NTN4: variants seen among roughly 807,000 people sequenced by gnomAD.
NTN4 encodes netrin-4.
In NTN4, 32 loss-of-function variants were observed where a neutral mutation model predicts 73.6. The observed-to-expected ratio is 0.44, with a 90% CI of 0.33 to 0.58. The LOEUF (loss-of-function observed/expected upper bound fraction) is 0.58, where lower values mean the gene tolerates loss of function less well. Among genes scored for constraint, NTN4 ranks in the 20% least tolerant of loss-of-function variants. NTN4 has a pLI of 0.04. For missense variants in NTN4, 654 were observed against 798.3 expected (o/e 0.82, Z 2.18); for synonymous variants, 258 against 287.5 (o/e 0.90, Z 1.04).
At position 95,682,057 on chromosome 12, in the gene NTN4, C is replaced by CTTTTTTTTTTTTTTT. The variant is rs557973212; in HGVS notation, c.1510+635_1510+649dup. On this transcript the variant is annotated intron_variant, in intron 7 of 9. Transcript: ENST00000343702. ...TTCCAAACCTAATATATTCAGTAGG[C>CTTTTTTTTTTTTTTT]TTTTTTTTTTTTTTTTTTTTTTTGA... is the stretch of plus-strand genomic sequence containing the variant. 1.5e-3 allele frequency among the ~76,000 whole-genome samples: 98 copies of CTTTTTTTTTTTTTTT among 64,536 alleles called. 30 individuals carry two copies. The highest frequency in any genetic ancestry group is 6.5e-3 in the East Asian group (12 of 1,846). The allele number at this position is 64,536 out of a possible 152,430, so 42.3% of individuals were successfully genotyped here.
intron 7 of NTN4, among the ~76,000 whole-genome samples, chr12:95,671,714 T>C (rs1420735525): frequency 1.3e-5 from 2 of 152,222 alleles, no homozygotes; most frequent in African/African-American, 2.4e-5. Flanking sequence ...AGCATTCTCA[T>C]ACTCATTTAT....
intron 2 of NTN4, among the ~76,000 whole-genome samples, chr12:95,751,997 T>C (rs997926224): frequency 1.3e-4 from 19 of 151,148 alleles, no homozygotes; most frequent in African/African-American, 4.4e-4. Context: ...CAGCTATATC[T>C]CATTGCCGCC....
chr12:95,679,069 G>C, intron 7 of NTN4, among the ~76,000 whole-genome samples: 1 of 152,076 alleles, frequency 6.6e-6, no homozygotes, highest in Non-Finnish European at 1.5e-5. Flanking sequence ...CTTCATGTTT[G>C]GGACTACTCA....
rs1264904658 is a variant in NTN4 at position 95,684,345 on chromosome 12, CCAGAGTG to C, written c.1181-641_1181-635del. Reference sequence around the variant, plus strand: ...AGAGGGTCTCACTCTATCACCAAGACCAGAGTGCAGTGGTACCACCATGGCTCACTGC... The same window carrying C: ...AGAGGGTCTCACTCTATCACCAAGACCAGTGGTACCACCATGGCTCACTGC... On this transcript the variant is annotated intron_variant, in intron 5 of 9. Transcript: ENST00000343702. 7.9e-5 allele frequency among the ~76,000 whole-genome samples: 12 copies of C among 151,994 alleles called. No homozygotes were observed. In the East Asian group the frequency reaches 1.7e-3, roughly 22 times the overall value.
intron 5 of NTN4, among the ~76,000 whole-genome samples, chr12:95,702,809 A>AT (rs2078494701): frequency 6.9e-6 from 1 of 145,948 alleles, no homozygotes; most frequent in Admixed American, 6.8e-5. Flanking sequence ...CTTCTAGTAA[A>AT]TTTATCTCAA....
intron 2 of NTN4, among the ~76,000 whole-genome samples, chr12:95,765,497 C>CCAA (rs2079014966): frequency 6.6e-6 from 1 of 152,316 alleles, no homozygotes; most frequent in African/African-American, 2.4e-5. Context: ...GAGACATTGA[C>CCAA]AGTTGACCAA....
At chr12:95,720,589 C>G (rs147020118) in intron 3 of NTN4, among the ~76,000 whole-genome samples, 1 of 151,970 alleles carries the variant, frequency 6.6e-6, no homozygotes, top group Non-Finnish European at 1.5e-5. Flanking sequence ...CTCAAGTTAC[C>G]GAGCTTAGTC....
intron 4 of NTN4, among the ~76,000 whole-genome samples, chr12:95,712,787 CTTTTTTTTT>C (rs35614636): frequency 3.5e-4 from 37 of 105,718 alleles, no homozygotes; most frequent in Middle Eastern, 6.3e-3. Context: ...TTCTTTCTTT[CTTTTTTTTT>C]TTTTTTTTTT....
At chr12:95,721,849 A>T (rs890011764) in intron 3 of NTN4, among the ~76,000 whole-genome samples, 1 of 152,196 alleles carries the variant, frequency 6.6e-6, no homozygotes, top group African/African-American at 2.4e-5. Context: ...CATCTGTGCC[A>T]TGGCATATGC....
chr12:95,719,978 G>T (rs867075165), intron 3 of NTN4, among the ~76,000 whole-genome samples: 25 of 151,906 alleles, frequency 1.6e-4, no homozygotes, highest in Middle Eastern at 6.8e-3. Context: ...AAAAAGCATG[G>T]GCAATAAAAT....
intron 2 of NTN4, among the ~76,000 whole-genome samples, chr12:95,762,873 C>G (rs921050166): frequency 1.3e-5 from 2 of 152,162 alleles, no homozygotes; most frequent in Admixed American, 6.5e-5. Context: ...ACTCTCATTT[C>G]GGCTTCTAAA....
intron 3 of NTN4, among the ~76,000 whole-genome samples, chr12:95,724,246 G>A (rs568333983): frequency 2.6e-5 from 4 of 152,166 alleles, no homozygotes; most frequent in Non-Finnish European, 4.4e-5. Flanking sequence ...TAATGCCCAG[G>A]AGGCTTAAGA....
rs1449493727 is a variant in NTN4, at chr12:95,787,064, A to G, written c.460T>C (p.Trp154Arg). 1 of 1,614,086 alleles carries G rather than the reference A, an allele frequency of 6.2e-7. No homozygotes were observed. Among genetic ancestry groups the G allele is most frequent in the Non-Finnish European group, 8.5e-7 (1 of 1,180,050 alleles). Residue 154 changes from tryptophan (W) to arginine (R), a missense_variant, in exon 2 of 10, where the codon TGG (tryptophan) becomes CGG (arginine). Coordinates refer to ENST00000343702, the MANE Select transcript of NTN4 (RefSeq NM_021229.4). ...GTCGCAAAGTACTTATAAGGCTTCC[A>G]TGTTTTCCCAAAGTCCTGGGAGCGG... ...LDRSQDFGKT[W>R]KPYKYFATNC...
intron 3 of NTN4, among the ~76,000 whole-genome samples, chr12:95,729,010 A>G (rs1254404458): frequency 6.6e-6 from 1 of 152,180 alleles, no homozygotes; most frequent in Non-Finnish European, 1.5e-5. Context: ...AGGCCTCCCC[A>G]GAAGCAGATG....
At chr12:95,672,418 A>T in intron 7 of NTN4, 2 of 1,182,312 alleles carry the variant, frequency 1.7e-6, no homozygotes, top group Non-Finnish European at 2.5e-6. Flanking sequence ...CAGGAGGTGA[A>T]GCGCAGGCGG....
At chr12:95,715,142 G>A (rs923252794) in intron 3 of NTN4, among the ~76,000 whole-genome samples, 1 of 152,126 alleles carries the variant, frequency 6.6e-6, no homozygotes, top group African/African-American at 2.4e-5. Context: ...TCCAAGTTCA[G>A]GAGTTACACA....
intron 2 of NTN4, among the ~76,000 whole-genome samples, chr12:95,751,816 T>C (rs1592703984): frequency 1.0e-5 from 1 of 96,086 alleles, no homozygotes; most frequent in Non-Finnish European, 2.3e-5. Flanking sequence ...TCCATAACTG[T>C]TATGGGTATT....
At chr12:95,756,342 G>A (rs1276524223) in intron 2 of NTN4, among the ~76,000 whole-genome samples, 1 of 152,152 alleles carries the variant, frequency 6.6e-6, no homozygotes, top group Non-Finnish European at 1.5e-5. Flanking sequence ...GCTTCTGCCT[G>A]GCTCGCAAAG....
chr12:95,781,397 G>A lies in NTN4; in HGVS notation c.585+5542C>T, dbSNP rs2079132258. Among the ~76,000 whole-genome samples the A allele has an allele frequency of 6.6e-6, 1 of 152,178 alleles. No individual in the cohort carries two copies. The highest frequency in any genetic ancestry group is 2.4e-5 in the African/African-American group (1 of 41,430). ...CATGAAAACTTGCCAGGAACTCATA[G>A]TCCTTGTCACTGTCCATTCTATCAA... On this transcript the variant is annotated intron_variant, in intron 2 of 9. Transcript: ENST00000343702. The surrounding 1 kb of genome is among the most constrained non-coding windows in gnomAD (Gnocchi z 4.1).
Sources: allele counts gnomAD v4.1 joint callset (sites outside exome capture counted in the v4.1 genomes callset), GRCh38; gene constraint gnomAD v4.1.1; non-coding constraint Gnocchi (gnomAD v3.1); transcripts MANE v1.5; gene names NCBI Gene and HGNC (gene_info 2026-07-23, HGNC 2026-07-21).